POLA2: variants seen among roughly 807,000 people sequenced by gnomAD.
POLA2 encodes the protein DNA polymerase alpha subunit B.
In POLA2, 47 loss-of-function variants were observed where a neutral mutation model predicts 82.8. The observed-to-expected ratio is 0.57, with a 90% confidence interval of 0.45 to 0.72. POLA2 has a LOEUF of 0.72. Among genes scored for constraint, POLA2 ranks in the 30% least tolerant of loss-of-function variants. The pLI, the probability that POLA2 is intolerant of heterozygous loss-of-function variation, is 0.00. For missense variants in POLA2, 634 were observed against 728.1 expected (o/e 0.87, Z 1.49); for synonymous variants, 287 against 286.8 (o/e 1.00, Z -0.01).
rs768460974 is a variant in POLA2, at chr11:65,294,671, GCCC to G, written c.1460+21_1460+23del. 1.3e-6 allele frequency: 2 copies of G among 1,533,258 alleles called. No individual in the cohort carries two copies. Among genetic ancestry groups the G allele is most frequent in the Non-Finnish European group, 9.0e-7 (1 of 1,111,304 alleles). The allele number at this position is 1,533,258 out of a possible 1,614,324, so 95.0% of individuals were successfully genotyped here. A position where few individuals can be genotyped will look rare whatever the true frequency, so the allele number is the denominator to read the frequency against. ...TCAGTAGGTAAGAAGTGTGTTCCAG[GCCC>G]CAAGCAGGATGACTGGCTTTCTGGT... On this transcript the variant is annotated intron_variant, in intron 15 of 17. Transcript: ENST00000265465.
intron 17 of POLA2, chr11:65,296,359 G>A (rs1202441160): frequency 5.0e-5 from 11 of 218,866 alleles, no homozygotes; most frequent in Non-Finnish European, 9.4e-6. Context: ...GGGCTCAGCT[G>A]GGAATACCTT....
chr11:65,264,470 G>T (rs776967988), intron 1 of POLA2, among the ~76,000 whole-genome samples: 1 of 152,170 alleles, frequency 6.6e-6, no homozygotes, highest in Non-Finnish European at 1.5e-5. Context: ...CTCCCAAAGT[G>T]CTGGGATTAC....
chr11:65,304,660 G>A (rs1305126731), intron 8 of POLA2, among the ~76,000 whole-genome samples: 4 of 152,230 alleles, frequency 2.6e-5, no homozygotes, highest in Non-Finnish European at 5.9e-5. Flanking sequence ...ACAGCTGAGA[G>A]CCACGGGAGG....
rs892990387 is a variant in POLA2, at chr11:65,294,711, C to A, written c.1460+59C>A. On this transcript the variant is annotated intron_variant, in intron 15 of 17. Transcript: ENST00000265465. ...ACTGGCTTTCTGGTCCCAGCCCTTTCTGCAGCCAAGAAAATCAAGGGGCTG... is the reference window on the plus strand; with the variant it reads ...ACTGGCTTTCTGGTCCCAGCCCTTTATGCAGCCAAGAAAATCAAGGGGCTG... The A allele has an allele frequency of 8.3e-6, 10 of 1,206,102 alleles. No homozygotes were observed. The African/African-American group carries it at 1.5e-4, about 18-fold the overall frequency. The allele number at this position is 1,206,102 out of a possible 1,614,324, so 74.7% of individuals were successfully genotyped here.
At chr11:65,270,613 T>A (rs145548831) in intron 4 of POLA2, among the ~76,000 whole-genome samples, 294 of 152,280 alleles carry the variant, frequency 1.9e-3, no homozygotes, top group African/African-American at 6.9e-3. Flanking sequence ...GGAGACCTCC[T>A]TAAATCCTTT....
rs905358336 is a variant in POLA2 at position 65,268,357 on chromosome 11, AT to A, written c.297-303del. 3.9e-4 allele frequency among the ~76,000 whole-genome samples: 56 copies of A among 142,408 alleles called. 1 individual carries two copies. Among genetic ancestry groups the A allele is most frequent in the South Asian group, 1.1e-3 (5 of 4,520 alleles). 93.4% of individuals were successfully genotyped at this position (142,408 alleles called of 152,430 possible). On this transcript the variant is annotated intron_variant, in intron 3 of 17. Coordinates refer to ENST00000265465, the MANE Select transcript of POLA2 (RefSeq NM_002689.4). Reference sequence around the variant, plus strand: ...ATGAAAGTTTATTATTATTATTATTATTTTTTTTTTTTGAGATGGAGTCTCG... The same window carrying A: ...ATGAAAGTTTATTATTATTATTATTATTTTTTTTTTTGAGATGGAGTCTCG...
intron 5 of POLA2, among the ~76,000 whole-genome samples, chr11:65,276,504 C>T (rs1183565116): frequency 6.6e-6 from 1 of 152,036 alleles, no homozygotes; most frequent in Non-Finnish European, 1.5e-5. Context: ...GTCACTGTGA[C>T]TCTGCCCTGA....
chr11:65,287,897 A>G, intron 11 of POLA2, 57 bp downstream of exon 11: 4 of 1,560,924 alleles, frequency 2.6e-6, no homozygotes, highest in Non-Finnish European at 2.6e-6. Context: ...GCTTTAATGA[A>G]GTTCTAAATT....
chr11:65,262,493 T>C, intron 1 of POLA2, 122 bp downstream of exon 1: 1 of 731,334 alleles, frequency 1.4e-6, no homozygotes, highest in East Asian at 3.0e-5. Flanking sequence ...GAGTTCTCGG[T>C]GGCTGTGAGA....
Position 65,282,461 on chromosome 11 carries a change from C to T in POLA2, c.964-18C>T. Reference sequence around the variant, plus strand: ...TGCCTGGCGCAAGACCTTACTTGAGCTTTTCCCCTGTTTTTAGGGTGTGCC... The same window carrying T: ...TGCCTGGCGCAAGACCTTACTTGAGTTTTTCCCCTGTTTTTAGGGTGTGCC... On this transcript the variant is annotated intron_variant, in intron 9 of 17. Transcript: ENST00000265465. The T allele has an allele frequency of 6.2e-7, 1 of 1,612,762 alleles. No individual in the cohort carries two copies.
chr11:65,288,074 G>A (rs1184292502), intron 11 of POLA2, among the ~76,000 whole-genome samples: 1 of 152,164 alleles, frequency 6.6e-6, no homozygotes, highest in Non-Finnish European at 1.5e-5. Context: ...GGGAGGCCGA[G>A]ATGTGTGGAT....
intron 10 of POLA2, among the ~76,000 whole-genome samples, chr11:65,286,918 C>T (rs1034837695): frequency 6.6e-6 from 1 of 152,106 alleles, no homozygotes; most frequent in Non-Finnish European, 1.5e-5. Flanking sequence ...AGATGAGAGC[C>T]CAGGAACTCT....
chr11:65,272,308 C>CA (rs887097116), intron 4 of POLA2, among the ~76,000 whole-genome samples: 17 of 150,710 alleles, frequency 1.1e-4, no homozygotes, highest in Admixed American at 3.3e-4. Flanking sequence ...GACTCCATCT[C>CA]AAAAAAAAAG....
At chr11:65,282,848 G>A (rs2137548556) in intron 10 of POLA2, among the ~76,000 whole-genome samples, 1 of 152,296 alleles carries the variant, frequency 6.6e-6, no homozygotes, top group Non-Finnish European at 1.5e-5. Context: ...ATGCAGCATG[G>A]GCAGATGCGG....
At position 65,262,080 on chromosome 11, in the gene POLA2, C is replaced by T. The variant is rs902192967; in HGVS notation, c.-213C>T. 5 of 554,150 alleles carry T rather than the reference C, an allele frequency of 9.0e-6. No individual in the cohort carries two copies. The highest frequency in any genetic ancestry group is 1.6e-5 in the Non-Finnish European group (5 of 314,054). The allele number at this position is 554,150 out of a possible 1,614,324, so 34.3% of individuals were successfully genotyped here. A position where few individuals can be genotyped will look rare whatever the true frequency, so the allele number is the denominator to read the frequency against. ...CCATTCAGGGCGTTTGGGAGCCACC[C>T]CTTCATTTTTTAAAAAAAGTATTTC... On this transcript the variant is annotated 5_prime_UTR_variant, in exon 1 of 18. Coordinates refer to ENST00000265465, the MANE Select transcript of POLA2 (RefSeq NM_002689.4).
intron 17 of POLA2, 44 bp downstream of exon 17, chr11:65,296,034 T>G (rs1345472590): frequency 6.2e-7 from 1 of 1,612,310 alleles, no homozygotes; most frequent in African/African-American, 1.3e-5. Flanking sequence ...CAGAACCCAG[T>G]CTTTGACTTT....
chr11:65,265,488 C>CT (rs546394904), intron 1 of POLA2, among the ~76,000 whole-genome samples: 28 of 151,862 alleles, frequency 1.8e-4, no homozygotes, highest in African/African-American at 6.5e-4. Flanking sequence ...GTTTTTCTTT[C>CT]TTTTTTTTCT....
chr11:65,304,262 A>ACCATCCATCCTTTCTT (rs1321662232), intron 8 of POLA2, among the ~76,000 whole-genome samples: 17 of 150,598 alleles, frequency 1.1e-4, no homozygotes, highest in Non-Finnish European at 2.4e-4. Context: ...CATCCACGTA[A>ACCATCCATCCTTTCTT]CCATCCATCC....
chr11:65,297,239 A>T lies in POLA2; in HGVS notation c.1767A>T (p.Pro589=), dbSNP rs746363681. The T allele has an allele frequency of 1.2e-6, 2 of 1,612,812 alleles. No individual in the cohort carries two copies. The highest frequency in any genetic ancestry group is 1.7e-5 in the Admixed American group (1 of 59,768). Residue 589 remains proline, a synonymous_variant, in exon 18 of 18, where the codon CCA becomes CCT. Transcript: ENST00000265465. ...PAADGAERQS[P]CIAVQVVRI ...CGGACGGGGCAGAGAGGCAGAGCCC[A>T]TGCATTGCTGTGCAGGTCGTCAGGA...
Sources: allele counts gnomAD v4.1 joint callset (sites outside exome capture counted in the v4.1 genomes callset), GRCh38; gene constraint gnomAD v4.1.1; transcripts MANE v1.5; gene names NCBI Gene and HGNC (gene_info 2026-07-23, HGNC 2026-07-21).